PLEKHA7: variants seen among roughly 807,000 people sequenced by gnomAD.
The protein encoded by PLEKHA7 is pleckstrin homology domain-containing family A member 7.
In PLEKHA7, 104 loss-of-function variants were observed where a neutral mutation model predicts 170.0. The observed-to-expected ratio is 0.61, with a 90% CI of 0.52 to 0.72. The LOEUF (loss-of-function observed/expected upper bound fraction) is 0.72. PLEKHA7 is among the 30% of genes least tolerant of loss of function. The pLI, the probability that PLEKHA7 is intolerant of heterozygous loss-of-function variation, is 0.00. For synonymous variants in PLEKHA7, 648 were observed against 660.8 expected (o/e 0.98, Z 0.30); for missense variants, 1,615 against 1,671.7 (o/e 0.97, Z 0.59).
At position 16,855,887 on chromosome 11, in the gene PLEKHA7, G is replaced by A. The variant is rs1468328806; in HGVS notation, c.333C>T (p.Asp111=). Residue 111 remains aspartate, a synonymous_variant, in exon 5 of 27, where the codon GAC becomes GAT. Transcript: ENST00000531066. ...EEPNPHMSKQ[D]RNQRPSSMVS... ...CCATGCTGGACGGTCTTTGGTTTCT[G>A]TCTTGCTTCGACATATGTGGATTCG... The A allele has an allele frequency of 2.5e-6, 4 of 1,614,034 alleles. No homozygotes were observed. The African/African-American group carries it at 4.0e-5, about 16-fold the overall frequency.
intron 3 of PLEKHA7, among the ~76,000 whole-genome samples, chr11:16,905,383 T>A (rs1438336356): frequency 3.3e-5 from 5 of 152,244 alleles, no homozygotes; most frequent in Non-Finnish European, 5.9e-5. Context: ...CCCATTTTTT[T>A]ATGTAATGCA....
intron 9 of PLEKHA7, among the ~76,000 whole-genome samples, chr11:16,838,693 C>CTTTTTTTTTTTTT (rs869209891): frequency 9.3e-6 from 1 of 107,870 alleles, no homozygotes; most frequent in Admixed American, 1.2e-4. Flanking sequence ...ACACAGTTTT[C>CTTTTTTTTTTTTT]TTTTTTTTTT....
intron 3 of PLEKHA7, among the ~76,000 whole-genome samples, chr11:16,880,890 C>T (rs934187579): frequency 2.0e-5 from 3 of 152,170 alleles, no homozygotes; most frequent in African/African-American, 4.8e-5. Context: ...GATGTTCCCT[C>T]CAGCTGTAGC....
chr11:16,896,344 G>T (rs1856990947), intron 3 of PLEKHA7, among the ~76,000 whole-genome samples: 1 of 152,248 alleles, frequency 6.6e-6, no homozygotes, highest in Non-Finnish European at 1.5e-5. Flanking sequence ...TTGGGGAGGG[G>T]GCGTCTGAAG....
chr11:16,789,436 GA>G lies in PLEKHA7; in HGVS notation c.3157-141del. The G allele has an allele frequency of 1.3e-6, 1 of 791,690 alleles. No individual in the cohort carries two copies. Among genetic ancestry groups the G allele is most frequent in the Non-Finnish European group, 2.0e-6 (1 of 493,934 alleles). 49.0% of individuals were successfully genotyped at this position (791,690 alleles called of 1,614,324 possible). A position where few individuals can be genotyped will look rare whatever the true frequency, so the allele number is the denominator to read the frequency against. On this transcript the variant is annotated intron_variant, in intron 22 of 26. Coordinates refer to ENST00000531066, the MANE Select transcript of PLEKHA7 (RefSeq NM_001329630.2). The surrounding 1 kb of genome is among the most constrained non-coding windows in gnomAD (Gnocchi z 4.6). ...TAGTTGGGCTCCTCTTGGCCTTAGA[GA>G]ACTATTTCCTCTAAGCAACACGATG...
chr11:16,923,573 G>A (rs1407450652), intron 3 of PLEKHA7, among the ~76,000 whole-genome samples: 1 of 152,118 alleles, frequency 6.6e-6, no homozygotes, highest in Non-Finnish European at 1.5e-5. Context: ...AGAGCAGAGA[G>A]GCAGGCGAAC....
intron 9 of PLEKHA7, among the ~76,000 whole-genome samples, chr11:16,834,433 G>C (rs1338774096): frequency 6.6e-6 from 1 of 152,160 alleles, no homozygotes; most frequent in Non-Finnish European, 1.5e-5. Flanking sequence ...ATGAACCAAA[G>C]GTGTTTGTAG....
chr11:16,902,576 C>T (rs1857408823), intron 3 of PLEKHA7, among the ~76,000 whole-genome samples: 1 of 152,176 alleles, frequency 6.6e-6, no homozygotes, highest in Non-Finnish European at 1.5e-5. Context: ...TTTTGTTTTG[C>T]ATTTCCTTGA....
chr11:17,008,464 C>A (rs552822814), intron 3 of PLEKHA7, among the ~76,000 whole-genome samples: 1 of 152,232 alleles, frequency 6.6e-6, no homozygotes, highest in African/African-American at 2.4e-5. Flanking sequence ...ATCCAAGAAG[C>A]CTGGGTCTAG....
intron 3 of PLEKHA7, among the ~76,000 whole-genome samples, chr11:16,937,659 G>C (rs1378380633): frequency 1.3e-5 from 2 of 151,710 alleles, no homozygotes; most frequent in South Asian, 4.2e-4. Context: ...CCCAAGCTGG[G>C]GTGCAATGGC....
At position 16,826,101 on chromosome 11, in the gene PLEKHA7, T is replaced by C; in HGVS notation, c.1343+19A>G. 2 of 1,605,392 alleles carry C rather than the reference T, an allele frequency of 1.2e-6. No individual in the cohort carries two copies. The highest frequency in any genetic ancestry group is 1.7e-4 in the Middle Eastern group (1 of 6,014). ...TTATCGTGCTCGTTATAAGCAGCGA[T>C]CCTGAGTCTATTACTCACCTCCTGC... On this transcript the variant is annotated intron_variant, in intron 10 of 26. Transcript: ENST00000531066.
At chr11:16,947,126 T>C (rs1397627847) in intron 3 of PLEKHA7, among the ~76,000 whole-genome samples, 1 of 152,162 alleles carries the variant, frequency 6.6e-6, no homozygotes, top group East Asian at 1.9e-4. Flanking sequence ...AGCTACTGGG[T>C]TGTACAATCA....
At chr11:16,780,560 C>T (rs1288057630) in intron 26 of PLEKHA7, among the ~76,000 whole-genome samples, 1 of 152,224 alleles carries the variant, frequency 6.6e-6, no homozygotes, top group African/African-American at 2.4e-5. Context: ...TTGGCCAAAG[C>T]CCTGAAAGGC....
At chr11:16,787,265 C>A in intron 23 of PLEKHA7, 1 of 981,010 alleles carries the variant, frequency 1.0e-6, no homozygotes, top group Middle Eastern at 5.3e-4. Context: ...AGATGCTTAT[C>A]TATCCCAGGC....
chr11:16,887,693 A>G (rs4448668), intron 3 of PLEKHA7, among the ~76,000 whole-genome samples: 7,875 of 152,250 alleles, frequency 0.052, 654 homozygotes, highest in African/African-American at 0.18. Context: ...CGTTCACTCA[A>G]TGCTCAATGT....
At chr11:16,928,919 A>G (rs764634865) in intron 3 of PLEKHA7, among the ~76,000 whole-genome samples, 4 of 151,684 alleles carry the variant, frequency 2.6e-5, no homozygotes, top group Non-Finnish European at 5.9e-5. Context: ...ATAAATAAAT[A>G]AATAAAAGAC....
At chr11:16,840,623 A>G (rs1181975330) in intron 9 of PLEKHA7, among the ~76,000 whole-genome samples, 1 of 152,200 alleles carries the variant, frequency 6.6e-6, no homozygotes, top group Non-Finnish European at 1.5e-5. Context: ...AGGATACTGA[A>G]AAGTAGACAG....
chr11:16,960,638 G>C (rs1464815684), intron 3 of PLEKHA7, among the ~76,000 whole-genome samples: 1 of 152,274 alleles, frequency 6.6e-6, no homozygotes, highest in East Asian at 1.9e-4. Flanking sequence ...ACAGGTGACT[G>C]CAGGGCAAAG....
intron 3 of PLEKHA7, among the ~76,000 whole-genome samples, chr11:17,011,942 C>T (rs1382081904): frequency 1.7e-5 from 2 of 117,538 alleles, no homozygotes; most frequent in Admixed American, 1.9e-4. Context: ...GTCATCTTTG[C>T]CTCTTCTCTT....
Sources: allele counts gnomAD v4.1 joint callset (sites outside exome capture counted in the v4.1 genomes callset), GRCh38; gene constraint gnomAD v4.1.1; non-coding constraint Gnocchi (gnomAD v3.1); transcripts MANE v1.5; gene names NCBI Gene and HGNC (gene_info 2026-07-23, HGNC 2026-07-21).